The following GLIS3 variants were observed in gnomAD, a reference collection of about 807,000 sequenced individuals.
GLIS3 encodes the protein zinc finger protein GLIS3.
Under a neutral mutation model 78.6 loss-of-function variants are expected in GLIS3, and 53 were observed. That is an observed-to-expected ratio of 0.67 (90% CI 0.54 to 0.85). The LOEUF is 0.85. Ranked by LOEUF, GLIS3 falls within the 40% of genes least tolerant of loss-of-function variation. The pLI, the probability that GLIS3 is intolerant of heterozygous loss-of-function variation, is 0.00. For missense variants in GLIS3, 1,703 were observed against 1,231.1 expected, an observed-to-expected ratio of 1.38 and a Z score of -5.74; for synonymous variants, 684 against 509.9, an observed-to-expected ratio of 1.34 and a Z score of -4.60.
Position 3,827,342 on chromosome 9 carries a change from T to G in GLIS3, c.*930A>C, listed in dbSNP as rs1817776822. The G allele has an allele frequency of 6.6e-6, 1 of 152,152 alleles. No homozygotes were observed. Among genetic ancestry groups the G allele is most frequent in the Non-Finnish European group, 1.5e-5 (1 of 68,058 alleles). The allele number at this position is 152,152 out of a possible 1,614,324, so 9.4% of individuals were successfully genotyped here. On this transcript the variant is annotated 3_prime_UTR_variant, in exon 11 of 11. Coordinates refer to ENST00000381971, the MANE Select transcript of GLIS3 (RefSeq NM_001042413.2). ...CACTTCTCTGGGTGCAGCACCAGAG[T>G]GGAGGCAATGGGTAAACCAGTCAAA...
intron 2 of GLIS3, among the ~76,000 whole-genome samples, chr9:4,162,811 T>C (rs1835589994): frequency 7.2e-6 from 1 of 138,302 alleles, no homozygotes; most frequent in South Asian, 2.2e-4. Context: ...GAGCCAAGAT[T>C]TCACCACTGC....
chr9:4,065,043 C>G (rs1287084057), intron 4 of GLIS3, among the ~76,000 whole-genome samples: 1 of 152,176 alleles, frequency 6.6e-6, no homozygotes, highest in Non-Finnish European at 1.5e-5. Context: ...AAGTTGGATT[C>G]TAGAAACTAC....
intron 4 of GLIS3, among the ~76,000 whole-genome samples, chr9:4,085,073 C>G (rs553569426): frequency 7.9e-5 from 12 of 151,910 alleles, no homozygotes; most frequent in Admixed American, 1.3e-4. Flanking sequence ...TCAACAGAAA[C>G]AACAAAACAG....
chr9:3,894,925 A>G (rs1043579592), intron 7 of GLIS3, among the ~76,000 whole-genome samples: 8 of 152,182 alleles, frequency 5.3e-5, no homozygotes, highest in African/African-American at 1.9e-4. Flanking sequence ...CATCTCAACC[A>G]CACTGGCCTC....
intron 4 of GLIS3, among the ~76,000 whole-genome samples, chr9:4,091,673 G>T (rs556637497): frequency 6.6e-6 from 1 of 152,184 alleles, no homozygotes; most frequent in South Asian, 2.1e-4. Context: ...CCCTTCGCTC[G>T]ACTCTCACTT....
At chr9:4,412,826 T>A in the GLIS3 span, among the ~76,000 whole-genome samples, 1 of 152,108 alleles carries the variant, frequency 6.6e-6, no homozygotes, top group Non-Finnish European at 1.5e-5. Flanking sequence ...CATAAAAACT[T>A]ACCAAATGAA....
At chr9:4,462,104 C>T in the GLIS3 span, among the ~76,000 whole-genome samples, 1 of 152,074 alleles carries the variant, frequency 6.6e-6, no homozygotes, top group East Asian at 1.9e-4. Context: ...TATTTTTGCC[C>T]ATGGGCCACA....
intron 2 of GLIS3, among the ~76,000 whole-genome samples, chr9:4,345,809 G>C (rs956685495): frequency 6.6e-6 from 1 of 152,184 alleles, no homozygotes; most frequent in South Asian, 2.1e-4. Context: ...TTGCGTCTGG[G>C]GAGTGAGAAT....
chr9:4,268,053 GCA>G (rs376710564), intron 2 of GLIS3, among the ~76,000 whole-genome samples: 11 of 151,190 alleles, frequency 7.3e-5, no homozygotes, highest in Non-Finnish European at 1.2e-4. Context: ...GCGTGCGTGC[GCA>G]CACACACACA....
chr9:4,317,081 G>A (rs1817447817), intron 2 of GLIS3, among the ~76,000 whole-genome samples: 1 of 152,182 alleles, frequency 6.6e-6, no homozygotes, highest in African/African-American at 2.4e-5. Flanking sequence ...GGCACTTAGA[G>A]TAAAGAAAAG....
chr9:4,060,352 C>G (rs566828976), intron 4 of GLIS3, among the ~76,000 whole-genome samples: 2 of 152,300 alleles, frequency 1.3e-5, no homozygotes, highest in Non-Finnish European at 2.9e-5. Flanking sequence ...GCCTGCTTCT[C>G]GTCACCTTCA....
intron 2 of GLIS3, among the ~76,000 whole-genome samples, chr9:4,252,245 T>C (rs928481472): frequency 6.6e-6 from 1 of 152,222 alleles, no homozygotes; most frequent in African/African-American, 2.4e-5. Context: ...GGTACACCAA[T>C]CAAATGTAGG....
the GLIS3 span, among the ~76,000 whole-genome samples, chr9:4,365,141 G>C: frequency 6.6e-6 from 1 of 152,266 alleles, no homozygotes; most frequent in East Asian, 1.9e-4. Flanking sequence ...AGTACTTCCA[G>C]TTTCCACAGA....
the GLIS3 span, among the ~76,000 whole-genome samples, chr9:4,421,449 A>G: frequency 2.6e-5 from 4 of 152,260 alleles, no homozygotes; most frequent in Non-Finnish European, 5.9e-5. Flanking sequence ...GGAAGTCCCA[A>G]TGCACTGATC....
At chr9:3,838,042 A>G (rs905422273) in intron 9 of GLIS3, among the ~76,000 whole-genome samples, 14 of 152,116 alleles carry the variant, frequency 9.2e-5, no homozygotes, top group African/African-American at 2.9e-4. Context: ...ACTTTCCACT[A>G]CATTTTTCTG....
chr9:4,052,846 T>G (rs1825835869), intron 4 of GLIS3, among the ~76,000 whole-genome samples: 1 of 152,196 alleles, frequency 6.6e-6, no homozygotes, highest in South Asian at 2.1e-4. Flanking sequence ...TACCTAGGAG[T>G]AGAATTGCTG....
chr9:4,209,937 G>C (rs1439146080), intron 2 of GLIS3, among the ~76,000 whole-genome samples: 1 of 152,096 alleles, frequency 6.6e-6, no homozygotes, highest in African/African-American at 2.4e-5. Flanking sequence ...AAGGAGACAA[G>C]ACATCCCATC....
At chr9:4,412,460 G>A in the GLIS3 span, among the ~76,000 whole-genome samples, 2 of 152,074 alleles carry the variant, frequency 1.3e-5, no homozygotes, top group Non-Finnish European at 2.9e-5. Context: ...GACACAAGTG[G>A]TCTAGAACAG....
intron 2 of GLIS3, among the ~76,000 whole-genome samples, chr9:4,219,052 A>G (rs1413890425): frequency 6.6e-6 from 1 of 152,242 alleles, no homozygotes; most frequent in Non-Finnish European, 1.5e-5. Context: ...CAATGAATAA[A>G]TGAATTTAGA....
Sources: gnomAD v4.1 joint callset for allele counts (sites outside exome capture counted in the v4.1 genomes callset) on GRCh38, gnomAD v4.1.1 for gene constraint, MANE v1.5 for transcripts, NCBI Gene and HGNC (gene_info 2026-07-23, HGNC 2026-07-21) for gene names.